ADGRL3: variants seen among roughly 807,000 people sequenced by gnomAD.
ADGRL3 encodes the protein adhesion G protein-coupled receptor L3.
A neutral mutation model predicts 153.5 loss-of-function variants in ADGRL3; 62 were observed. The observed-to-expected ratio is 0.40, with a 90% CI of 0.33 to 0.50. ADGRL3 has a LOEUF of 0.50. Among genes scored for constraint, ADGRL3 ranks in the 20% least tolerant of loss-of-function variants. The pLI, the probability that ADGRL3 is intolerant of heterozygous loss-of-function variation, is 0.47. For synonymous variants in ADGRL3, 710 were observed against 672.5 expected, an observed-to-expected ratio of 1.06 and a Z score of -0.86; for missense variants, 1,641 against 1,859.4, an observed-to-expected ratio of 0.88 and a Z score of 2.16.
At chr4:61,532,555 C>CGT (rs56053700) in intron 4 of ADGRL3, among the ~76,000 whole-genome samples, 2,428 of 131,376 alleles carry the variant, frequency 0.018, 27 homozygotes, top group African/African-American at 0.021. Flanking sequence ...CGCGCGCGCG[C>CGT]GTGTGTGTGT....
intron 21 of ADGRL3, among the ~76,000 whole-genome samples, chr4:62,014,481 C>G (rs1397386865): frequency 2.0e-5 from 3 of 152,092 alleles, no homozygotes; most frequent in Non-Finnish European, 4.4e-5. Flanking sequence ...AAGGAATAGC[C>G]TATAATACAA....
chr4:61,947,362 T>C (rs535519835), intron 16 of ADGRL3, among the ~76,000 whole-genome samples: 1 of 152,292 alleles, frequency 6.6e-6, no homozygotes, highest in South Asian at 2.1e-4. Flanking sequence ...TGCTTCTCCA[T>C]AACTAAAAAG....
intron 2 of ADGRL3, among the ~76,000 whole-genome samples, chr4:61,422,652 A>T (rs987966270): frequency 2.6e-5 from 4 of 152,118 alleles, no homozygotes; most frequent in African/African-American, 9.6e-5. Flanking sequence ...CAGTGTACCT[A>T]ATTCATTGAT....
chr4:61,930,194 T>A (rs576312496), intron 13 of ADGRL3, among the ~76,000 whole-genome samples: 26 of 146,450 alleles, frequency 1.8e-4, no homozygotes, highest in South Asian at 6.4e-4. Flanking sequence ...AAAAAAAAAA[T>A]GCCATGGTGG....
At chr4:61,296,121 G>C (rs186988567) in intron 1 of ADGRL3, among the ~76,000 whole-genome samples, 6 of 152,082 alleles carry the variant, frequency 3.9e-5, no homozygotes, top group Non-Finnish European at 1.5e-5. Flanking sequence ...TATATGTGTA[G>C]TACAAAAAAG....
intron 6 of ADGRL3, among the ~76,000 whole-genome samples, chr4:61,704,458 TA>T (rs1230697967): frequency 6.6e-6 from 1 of 152,240 alleles, no homozygotes; most frequent in East Asian, 1.9e-4. Context: ...ATTTTATTGC[TA>T]AAAAATTCTA....
intron 1 of ADGRL3, among the ~76,000 whole-genome samples, chr4:61,206,614 T>C (rs997522005): frequency 3.3e-5 from 5 of 152,236 alleles, no homozygotes; most frequent in African/African-American, 4.8e-5. Context: ...TATGTTCTTA[T>C]GTATTCTCAA....
At chr4:61,250,852 A>G (rs1208918545) in intron 1 of ADGRL3, among the ~76,000 whole-genome samples, 1 of 152,188 alleles carries the variant, frequency 6.6e-6, no homozygotes, top group African/African-American at 2.4e-5. Flanking sequence ...TAAAATGGGA[A>G]TATTTATAAT....
intron 4 of ADGRL3, among the ~76,000 whole-genome samples, chr4:61,525,773 G>A (rs1365574628): frequency 6.6e-6 from 1 of 152,124 alleles, no homozygotes; most frequent in Admixed American, 6.6e-5. Flanking sequence ...ATGCTGAGGT[G>A]ACTGGGTGGT....
At chr4:61,775,276 G>A (rs2097134215) in intron 8 of ADGRL3, among the ~76,000 whole-genome samples, 1 of 151,414 alleles carries the variant, frequency 6.6e-6, no homozygotes, top group Admixed American at 6.6e-5. Context: ...GTAGCTCAGT[G>A]GATGAACAAG....
chr4:61,863,876 A>G (rs577609964), intron 9 of ADGRL3, among the ~76,000 whole-genome samples: 1 of 152,322 alleles, frequency 6.6e-6, no homozygotes, highest in Non-Finnish European at 1.5e-5. Flanking sequence ...TTTTCAAAGG[A>G]TATTTTAAGT....
intron 13 of ADGRL3, among the ~76,000 whole-genome samples, chr4:61,925,415 G>T (rs1474560847): frequency 1.3e-5 from 2 of 152,080 alleles, no homozygotes; most frequent in African/African-American, 2.4e-5. Context: ...TTAAATTTAT[G>T]ATGCGTGCAT....
intron 6 of ADGRL3, among the ~76,000 whole-genome samples, chr4:61,715,825 G>A (rs1372400293): frequency 1.3e-5 from 2 of 151,606 alleles, no homozygotes; most frequent in Admixed American, 6.6e-5. Context: ...TATTCTAAGT[G>A]TTGCATGCTT....
At chr4:61,677,001 A>G (rs1453393554) in intron 6 of ADGRL3, 66 bp downstream of exon 6, 15 of 972,980 alleles carry the variant, frequency 1.5e-5, no homozygotes. Flanking sequence ...GCATGCATTG[A>G]CAAATATTCT....
At chr4:61,582,636 A>G (rs1255401951) in intron 4 of ADGRL3, among the ~76,000 whole-genome samples, 1 of 151,430 alleles carries the variant, frequency 6.6e-6, no homozygotes, top group Non-Finnish European at 1.5e-5. Context: ...ATGTAGAGCA[A>G]TGCATGAAAA....
chr4:62,077,084 G>C lies in ADGRL3; in HGVS notation c.*6176G>C, dbSNP rs1241400368. The C allele has an allele frequency of 1.3e-5, 2 of 151,794 alleles. No individual in the cohort carries two copies. The highest frequency in any genetic ancestry group is 2.9e-5 in the Non-Finnish European group (2 of 67,862). The allele number at this position is 151,794 out of a possible 1,614,324, so 9.4% of individuals were successfully genotyped here. On this transcript the variant is annotated 3_prime_UTR_variant, in exon 27 of 27. Transcript: ENST00000683033. ...GTCAATTCATAAAATTCTACATACAGTTGTACATGGTGGGTTATCAAAGTA... is the reference window on the plus strand; with the variant it reads ...GTCAATTCATAAAATTCTACATACACTTGTACATGGTGGGTTATCAAAGTA...
intron 2 of ADGRL3, among the ~76,000 whole-genome samples, chr4:61,419,292 A>G (rs1171247169): frequency 2.7e-5 from 4 of 150,898 alleles, no homozygotes; most frequent in Non-Finnish European, 1.5e-5. Flanking sequence ...AAAGACCAAA[A>G]TACTTCTAAT....
rs150302636 is a variant in ADGRL3 at position 62,040,346 on chromosome 4, T to G, written c.3717+2490T>G. On this transcript the variant is annotated intron_variant, in intron 24 of 26. Coordinates refer to ENST00000683033, the MANE Select transcript of ADGRL3 (RefSeq NM_001387552.1). ...CACAATTCTACTCTTGGAAAATAAT[T>G]TACATTTTTTCTTATACTTAATATA... 5.2e-3 allele frequency among the ~76,000 whole-genome samples: 785 copies of G among 152,094 alleles called. 6 individuals are homozygous for G. Among genetic ancestry groups the G allele is most frequent in the African/African-American group, 0.018 (755 of 41,522 alleles).
intron 20 of ADGRL3, among the ~76,000 whole-genome samples, chr4:61,996,667 A>G (rs2271339): frequency 0.24 from 36,480 of 152,076 alleles, 4,501 homozygotes; most frequent in East Asian, 0.36. Context: ...TCTAAGGTTG[A>G]AAACAGTGTA....
Sources: allele counts gnomAD v4.1 joint callset (sites outside exome capture counted in the v4.1 genomes callset), GRCh38; gene constraint gnomAD v4.1.1; transcripts MANE v1.5; gene names NCBI Gene and HGNC (gene_info 2026-07-23, HGNC 2026-07-21).